The following NRG3 variants were observed in gnomAD, a reference collection of about 807,000 sequenced individuals.
The protein encoded by NRG3 is pro-neuregulin-3, membrane-bound isoform.
NRG3 carries 31 observed loss-of-function variants against 66.9 expected under a neutral mutation model. The observed-to-expected ratio is 0.46, with a 90% CI of 0.35 to 0.63. The LOEUF is 0.63. NRG3 is among the 20% of genes least tolerant of loss of function. The probability of loss-of-function intolerance (pLI) is 0.00; values close to 1 mark genes in which losing one functional copy is unlikely to be tolerated. For synonymous variants in NRG3, 393 were observed against 359.4 expected (o/e 1.09, Z -1.06); for missense variants, 910 against 878.9 (o/e 1.04, Z -0.45).
At chr10:82,309,960 G>C (rs1287700079) in intron 1 of NRG3, among the ~76,000 whole-genome samples, 1 of 152,072 alleles carries the variant, frequency 6.6e-6, no homozygotes. Flanking sequence ...TAAACAATAT[G>C]TGGCCATTCT....
chr10:82,291,956 G>A (rs2079772535), intron 1 of NRG3, among the ~76,000 whole-genome samples: 1 of 152,084 alleles, frequency 6.6e-6, no homozygotes, highest in South Asian at 2.1e-4. Context: ...AATACATAAA[G>A]GGAAATGTTG....
At chr10:82,167,805 A>T (rs972760817) in intron 1 of NRG3, among the ~76,000 whole-genome samples, 3 of 152,112 alleles carry the variant, frequency 2.0e-5, no homozygotes, top group African/African-American at 7.2e-5. Context: ...CTCCAAATAC[A>T]TAAAGATTAT....
intron 4 of NRG3, among the ~76,000 whole-genome samples, chr10:82,928,625 T>TTAA (rs1554843946): frequency 4.1e-4 from 62 of 150,170 alleles, no homozygotes; most frequent in Admixed American, 3.1e-3. Context: ...TTTTTTTTTT[T>TTAA]AAAAGTAAAT....
chr10:82,577,666 T>A (rs959528795), intron 2 of NRG3, among the ~76,000 whole-genome samples: 6 of 151,624 alleles, frequency 4.0e-5, no homozygotes, highest in East Asian at 1.9e-4. Context: ...CACTGAAAAA[T>A]GCAAAGTGTT....
chr10:82,338,218 A>T (rs976393127), intron 1 of NRG3, among the ~76,000 whole-genome samples: 1 of 152,224 alleles, frequency 6.6e-6, no homozygotes, highest in African/African-American at 2.4e-5. Context: ...CACTTGTGAG[A>T]TCATCACCTT....
chr10:82,865,576 G>A lies in NRG3; in HGVS notation c.1054+139G>A, dbSNP rs1840635838. 6 of 766,014 alleles carry A rather than the reference G, an allele frequency of 7.8e-6. No homozygotes were observed. The Admixed American group carries it at 9.8e-5, about 13-fold the overall frequency. The allele number at this position is 766,014 out of a possible 1,614,324, so 47.5% of individuals were successfully genotyped here. A position where few individuals can be genotyped will look rare whatever the true frequency, so the allele number is the denominator to read the frequency against. On this transcript the variant is annotated intron_variant, in intron 4 of 8. Transcript: ENST00000372141. Reference sequence around the variant, plus strand: ...ATTAGTAGGAAAAAATACTCTTGTCGAGTTTTCACTAAGTAATGGCTCAAA... The same window carrying A: ...ATTAGTAGGAAAAAATACTCTTGTCAAGTTTTCACTAAGTAATGGCTCAAA...
intron 4 of NRG3, among the ~76,000 whole-genome samples, chr10:82,905,286 T>C (rs1468921022): frequency 3.3e-5 from 5 of 152,146 alleles, no homozygotes; most frequent in Non-Finnish European, 5.9e-5. Flanking sequence ...TATCAGTTTC[T>C]CTCCGATTGT....
chr10:81,954,607 A>G (rs1849655748), intron 1 of NRG3, among the ~76,000 whole-genome samples: 3 of 152,102 alleles, frequency 2.0e-5, no homozygotes, highest in South Asian at 4.1e-4. Flanking sequence ...TCAGCTCCAA[A>G]TCAGTCTGCT....
intron 2 of NRG3, among the ~76,000 whole-genome samples, chr10:82,562,506 A>G (rs111343039): frequency 6.6e-6 from 1 of 152,222 alleles, no homozygotes; most frequent in Non-Finnish European, 1.5e-5. Context: ...AATTGTAGAG[A>G]CAAAAAACTG....
intron 1 of NRG3, among the ~76,000 whole-genome samples, chr10:81,938,631 G>GTGTGTT: frequency 6.6e-6 from 1 of 151,002 alleles, no homozygotes; most frequent in Non-Finnish European, 1.5e-5. Context: ...GTGTGTGTGT[G>GTGTGTT]TGTGTGTGTG....
intron 3 of NRG3, among the ~76,000 whole-genome samples, chr10:82,805,442 T>G (rs1435340304): frequency 6.6e-5 from 10 of 152,066 alleles, no homozygotes; most frequent in Admixed American, 5.9e-4. Flanking sequence ...CCCTGTGTCT[T>G]TCTTTTATTT....
chr10:82,720,346 C>A (rs887265106), intron 2 of NRG3, among the ~76,000 whole-genome samples: 1 of 151,696 alleles, frequency 6.6e-6, no homozygotes. Flanking sequence ...GCTGAGATTG[C>A]GCCACTGCAC....
At chr10:82,363,301 G>A (rs1383715157) in intron 2 of NRG3, among the ~76,000 whole-genome samples, 3 of 152,102 alleles carry the variant, frequency 2.0e-5, no homozygotes, top group Non-Finnish European at 4.4e-5. Flanking sequence ...TTTATTTAAA[G>A]ATTTTTAAAA....
At chr10:82,473,679 G>A (rs764234056) in intron 2 of NRG3, among the ~76,000 whole-genome samples, 2 of 152,150 alleles carry the variant, frequency 1.3e-5, no homozygotes, top group Non-Finnish European at 2.9e-5. Context: ...GGGAGTTGGT[G>A]GCCCAGTCCT....
chr10:82,706,815 G>A (rs1472047834), intron 2 of NRG3, among the ~76,000 whole-genome samples: 2 of 151,768 alleles, frequency 1.3e-5, no homozygotes, highest in South Asian at 2.1e-4. Context: ...CCAACATGTT[G>A]AAACCCTGTC....
chr10:82,643,896 A>G (rs1164961577), intron 2 of NRG3, among the ~76,000 whole-genome samples: 1 of 19,572 alleles, frequency 5.1e-5, no homozygotes, highest in Non-Finnish European at 9.5e-5. Flanking sequence ...GCACACACAC[A>G]CACACACCCA....
intron 2 of NRG3, among the ~76,000 whole-genome samples, chr10:82,497,565 A>G (rs910370297): frequency 6.6e-6 from 1 of 152,058 alleles, no homozygotes; most frequent in African/African-American, 2.4e-5. Context: ...TTAAAAGCTG[A>G]ATAGTACTTT....
intron 4 of NRG3, among the ~76,000 whole-genome samples, chr10:82,912,950 G>A (rs1366516085): frequency 6.6e-6 from 1 of 152,176 alleles, no homozygotes; most frequent in Non-Finnish European, 1.5e-5. Flanking sequence ...TTCCGGCCGG[G>A]TGCGGTGGCT....
chr10:82,532,782 A>G (rs1847421509), intron 2 of NRG3, among the ~76,000 whole-genome samples: 1 of 151,546 alleles, frequency 6.6e-6, no homozygotes, highest in Admixed American at 6.6e-5. Flanking sequence ...ACTTTTGGAT[A>G]AAATCCCAGT....
Sources: gnomAD v4.1 joint callset for allele counts (sites outside exome capture counted in the v4.1 genomes callset) on GRCh38, gnomAD v4.1.1 for gene constraint, MANE v1.5 for transcripts, NCBI Gene and HGNC (gene_info 2026-07-23, HGNC 2026-07-21) for gene names.